Variants in EML5 observed in about 807,000 individuals in gnomAD.
The protein encoded by EML5 is EMAP like 5, also known as echinoderm microtubule-associated protein-like 5.
EML5 carries 120 observed loss-of-function variants against 250.0 expected under a neutral mutation model. The ratio of observed to expected loss-of-function variants is 0.48; its 90% confidence interval spans 0.41 to 0.56. EML5 has a LOEUF of 0.56. Among genes scored for constraint, EML5 ranks in the 20% least tolerant of loss-of-function variants. The pLI is 0.00. For missense variants in EML5, 2,006 were observed against 2,437.6 expected (o/e 0.82, Z 3.73); for synonymous variants, 771 against 806.5 (o/e 0.96, Z 0.75).
intron 6 of EML5, among the ~76,000 whole-genome samples, chr14:88,737,293 C>T (rs897355106): frequency 6.6e-5 from 10 of 152,336 alleles, no homozygotes; most frequent in Non-Finnish European, 1.3e-4. Flanking sequence ...GCTTCAGGGC[C>T]GCTAGAGTCC....
intron 7 of EML5, among the ~76,000 whole-genome samples, chr14:88,733,202 G>A (rs1251535641): frequency 2.6e-5 from 4 of 152,160 alleles, no homozygotes; most frequent in African/African-American, 9.7e-5. Context: ...AGCACCATAC[G>A]TTGGACTATC....
intron 33 of EML5, among the ~76,000 whole-genome samples, chr14:88,630,126 G>A (rs1346723190): frequency 6.8e-6 from 1 of 148,048 alleles, no homozygotes; most frequent in African/African-American, 2.5e-5. Context: ...TGCCTCTGGG[G>A]TTCAAGTGAT....
At chr14:88,750,778 T>C (rs2094081444) in intron 2 of EML5, among the ~76,000 whole-genome samples, 1 of 152,204 alleles carries the variant, frequency 6.6e-6, no homozygotes, top group Admixed American at 6.5e-5. Context: ...CAAGAGGAGA[T>C]TATTTGTACC....
At chr14:88,677,937 C>T (rs1405099338) in intron 21 of EML5, among the ~76,000 whole-genome samples, 3 of 152,162 alleles carry the variant, frequency 2.0e-5, no homozygotes, top group Non-Finnish European at 4.4e-5. Flanking sequence ...AATGTAATTA[C>T]TGAGTATATA....
At chr14:88,641,429 T>A (rs1428451179) in intron 31 of EML5, among the ~76,000 whole-genome samples, 2 of 152,030 alleles carry the variant, frequency 1.3e-5, no homozygotes, top group East Asian at 3.8e-4. Context: ...AACAAAATAC[T>A]AGCAAACAAA....
chr14:88,754,781 C>G, intron 1 of EML5, 110 bp from the exon 2 acceptor site: 1 of 930,312 alleles, frequency 1.1e-6, no homozygotes, highest in South Asian at 1.6e-5. Flanking sequence ...TAGACTTTAT[C>G]CACTTTAGAC....
chr14:88,685,237 C>A, intron 19 of EML5, 95 bp from the exon 20 acceptor site: 2 of 1,068,192 alleles, frequency 1.9e-6, no homozygotes, highest in South Asian at 2.2e-5. Flanking sequence ...CAGTGAAAAT[C>A]ACATTACAAG....
chr14:88,768,671 CAAAGTGCTGGGATTACAGGCGTGAG>C (rs1425487522), intron 1 of EML5, among the ~76,000 whole-genome samples: 2 of 152,170 alleles, frequency 1.3e-5, no homozygotes, highest in Admixed American at 6.5e-5. Flanking sequence ...CTGGGCCTCC[CAAAGTGCTGGGATTACAGGCGTGAG>C]ACATCGCACC....
intron 1 of EML5, among the ~76,000 whole-genome samples, chr14:88,763,440 C>A (rs1036399775): frequency 6.6e-6 from 1 of 152,116 alleles, no homozygotes; most frequent in African/African-American, 2.4e-5. Flanking sequence ...ACACACCCCC[C>A]CAAGACTAAA....
At chr14:88,732,958 A>G (rs552941291) in intron 7 of EML5, among the ~76,000 whole-genome samples, 11 of 152,314 alleles carry the variant, frequency 7.2e-5, no homozygotes, top group African/African-American at 2.6e-4. Flanking sequence ...GCTTCTACTG[A>G]AGACTCAATA....
intron 43 of EML5, 141 bp from the exon 44 acceptor site, chr14:88,615,995 T>C: frequency 7.9e-7 from 1 of 1,267,498 alleles, no homozygotes; most frequent in Non-Finnish European, 1.1e-6. Context: ...TTTGCATAAA[T>C]ATGAGATTCT....
intron 20 of EML5, among the ~76,000 whole-genome samples, chr14:88,683,875 G>A (rs2092768786): frequency 6.6e-6 from 1 of 152,122 alleles, no homozygotes; most frequent in Admixed American, 6.6e-5. Flanking sequence ...AAGACTAGAT[G>A]CTTTCACTCT....
chr14:88,696,298 C>G (rs1178628590), intron 15 of EML5, among the ~76,000 whole-genome samples: 1 of 152,004 alleles, frequency 6.6e-6, no homozygotes, highest in Non-Finnish European at 1.5e-5. Context: ...CTCCCTCTTC[C>G]CAATTCACAC....
chr14:88,624,335 A>C (rs1026993003), intron 36 of EML5: 2 of 152,584 alleles, frequency 1.3e-5, no homozygotes, highest in Non-Finnish European at 2.9e-5. Flanking sequence ...TCAGCCTCCC[A>C]AAGTGATAAG....
At chr14:88,773,954 A>AC (rs1415501928) in intron 1 of EML5, among the ~76,000 whole-genome samples, 2 of 152,092 alleles carry the variant, frequency 1.3e-5, no homozygotes, top group African/African-American at 2.4e-5. Flanking sequence ...CCCCACCTCT[A>AC]CTAAAAATAC....
intron 1 of EML5, among the ~76,000 whole-genome samples, chr14:88,764,231 G>T (rs1434766796): frequency 6.6e-6 from 1 of 152,100 alleles, no homozygotes; most frequent in Non-Finnish European, 1.5e-5. Context: ...TGTTTGTCTG[G>T]ATTTTGTATT....
chr14:88,736,593 T>C, intron 6 of EML5, 28 bp from the exon 7 acceptor site: 2 of 1,603,180 alleles, frequency 1.2e-6, no homozygotes, highest in Non-Finnish European at 1.7e-6. Context: ...GTATTTAATA[T>C]ATAATGCTGT....
intron 20 of EML5, among the ~76,000 whole-genome samples, 157 bp downstream of exon 20, chr14:88,684,858 A>T (rs2092796251): frequency 1.3e-5 from 2 of 149,726 alleles, no homozygotes; most frequent in Non-Finnish European, 1.5e-5. Flanking sequence ...ATACGTTAAA[A>T]TTTTTTTCTG....
Position 88,618,295 on chromosome 14 carries a change from C to A in EML5, c.5575G>T (p.Val1859Leu), listed in dbSNP as rs1388081421. The A allele has an allele frequency of 6.2e-7, 1 of 1,613,788 alleles. No homozygotes were observed. The highest frequency in any genetic ancestry group is 8.5e-7 in the Non-Finnish European group (1 of 1,179,860). Residue 1859 changes from valine to leucine, a missense_variant, in exon 41 of 44, where the codon GTG becomes TTG. Val to Leu is a conservative substitution (Grantham distance 32). This residue lies in a region of EML5 where 405 missense variants were observed against 523.3 expected (regional missense o/e 0.77). Transcript: ENST00000554922. ...SGCYKRHVYE[V>L]PSGKHLMDHA... ...TCCATAAGATGTTTTCCTGAAGGCA[C>A]TTCATAGACATGCCGTTTATAGCAG...
Sources: allele counts gnomAD v4.1 joint callset (sites outside exome capture counted in the v4.1 genomes callset), GRCh38; gene constraint gnomAD v4.1.1; regional missense constraint gnomAD v4.1.1; transcripts MANE v1.5; gene names NCBI Gene and HGNC (gene_info 2026-07-23, HGNC 2026-07-21).